Variants in CDC42EP3 observed in about 807,000 individuals in gnomAD.
The protein encoded by CDC42EP3 is CDC42 effector protein (Rho GTPase binding) 3.
A neutral mutation model predicts 15.5 loss-of-function variants in CDC42EP3; 4 were observed. That is an observed-to-expected ratio of 0.26 (90% CI 0.13 to 0.59). The LOEUF (loss-of-function observed/expected upper bound fraction) is 0.59. Among genes scored for constraint, CDC42EP3 ranks in the 20% least tolerant of loss-of-function variants. The probability of loss-of-function intolerance (pLI) is 0.89; values close to 1 mark genes in which losing one functional copy is unlikely to be tolerated. For synonymous variants in CDC42EP3, 145 were observed against 130.3 expected (o/e 1.11, Z -0.77); for missense variants, 309 against 311.2 (o/e 0.99, Z 0.05).
At chr2:37,656,991 CCCCCCG>C (rs1318885953) in intron 1 of CDC42EP3, among the ~76,000 whole-genome samples, 22 of 77,762 alleles carry the variant, frequency 2.8e-4, no homozygotes, top group African/African-American at 1.4e-3. Flanking sequence ...CCCCCCCCCA[CCCCCCG>C]CCCCCCGCCA....
chr2:37,656,362 C>T (rs1440354594), intron 1 of CDC42EP3, among the ~76,000 whole-genome samples: 1 of 152,216 alleles, frequency 6.6e-6, no homozygotes, highest in Admixed American at 6.5e-5. Flanking sequence ...AACACATGGC[C>T]CACAGTGAAC....
Position 37,667,204 on chromosome 2 carries a change from T to G in CDC42EP3, c.-236+4222A>C, listed in dbSNP as rs150649009. ...GCAGGGCCCAGGGGATATGCTGAAC[T>G]GTAACAGGGCTTGACTTCTGCCATG... On this transcript the variant is annotated intron_variant, in intron 1 of 1. Transcript: ENST00000295324. Among the ~76,000 whole-genome samples the G allele has an allele frequency of 5.3e-3, 812 of 152,338 alleles. 6 individuals carry two copies. The highest frequency in any genetic ancestry group is 0.015 in the African/African-American group (617 of 41,568).
chr2:37,666,798 A>G (rs1040486700), intron 1 of CDC42EP3, among the ~76,000 whole-genome samples: 1 of 143,480 alleles, frequency 7.0e-6, no homozygotes, highest in South Asian at 2.3e-4. Context: ...GCACTGAAGT[A>G]TATCAAGGAG....
chr2:37,672,779 T>C (rs548418043), upstream of CDC42EP3, among the ~76,000 whole-genome samples: 5 of 152,182 alleles, frequency 3.3e-5, no homozygotes, highest in African/African-American at 1.2e-4. Context: ...GCCCTGAGAC[T>C]CTCGGGTTGG....
At chr2:37,652,550 T>C (rs1665724594) in intron 1 of CDC42EP3, among the ~76,000 whole-genome samples, 1 of 152,094 alleles carries the variant, frequency 6.6e-6, no homozygotes, top group Admixed American at 6.6e-5. Context: ...CTCGTGTCTG[T>C]CCTTTCCTCA....
Position 37,643,169 on chromosome 2 carries a change from A to C in CDC42EP3, c.*2654T>G, listed in dbSNP as rs1445606736. ...TCTTGGGTTTCCTTATCTTTAAACA[A>C]GTAAAGATAAATTAGGTTAAAGTGG... On this transcript the variant is annotated 3_prime_UTR_variant, in exon 2 of 2. Transcript: ENST00000295324. The C allele has an allele frequency of 6.6e-6, 1 of 152,224 alleles. No individual in the cohort carries two copies. Among genetic ancestry groups the C allele is most frequent in the Non-Finnish European group, 1.5e-5 (1 of 68,044 alleles). 9.4% of individuals were successfully genotyped at this position (152,224 alleles called of 1,614,324 possible).
intron 1 of CDC42EP3, among the ~76,000 whole-genome samples, chr2:37,660,355 T>C (rs528225834): frequency 6.6e-5 from 10 of 152,334 alleles, no homozygotes; most frequent in African/African-American, 2.2e-4. Context: ...CAATGGGACA[T>C]AGGGCTGGGG....
chr2:37,657,175 G>A (rs953558426), intron 1 of CDC42EP3, among the ~76,000 whole-genome samples: 1 of 151,954 alleles, frequency 6.6e-6, no homozygotes, highest in Admixed American at 6.6e-5. Flanking sequence ...CTCCTAACCT[G>A]AAACTAAGAA....
At chr2:37,664,078 G>A (rs991168956) in intron 1 of CDC42EP3, among the ~76,000 whole-genome samples, 4 of 152,202 alleles carry the variant, frequency 2.6e-5, no homozygotes, top group East Asian at 3.8e-4. Context: ...GGAGGCTGAG[G>A]CAGGAGAATG....
chr2:37,652,189 A>AAAAAG (rs1199650106), intron 1 of CDC42EP3, among the ~76,000 whole-genome samples: 1 of 150,290 alleles, frequency 6.7e-6, no homozygotes, highest in African/African-American at 2.4e-5. Flanking sequence ...AAAAAAAAAA[A>AAAAAG]AAAAAAAAAA....
At chr2:37,657,324 C>CTT (rs1665900145) in intron 1 of CDC42EP3, among the ~76,000 whole-genome samples, 1 of 152,154 alleles carries the variant, frequency 6.6e-6, no homozygotes, top group Non-Finnish European at 1.5e-5. Flanking sequence ...TCCAACCTTG[C>CTT]TACTGCTTTG....
intron 1 of CDC42EP3, among the ~76,000 whole-genome samples, chr2:37,668,513 G>A (rs1363352299): frequency 6.6e-6 from 1 of 152,194 alleles, no homozygotes; most frequent in Non-Finnish European, 1.5e-5. Context: ...CCAGAACTAG[G>A]ACATGTGCCC....
At chr2:37,671,751 CG>C (rs1164835875), upstream of CDC42EP3, 1 of 150,344 alleles carries the variant, frequency 6.7e-6, no homozygotes, top group Non-Finnish European at 1.5e-5. Flanking sequence ...GCGCGGGCAG[CG>C]GGGCCGACCC....
intron 1 of CDC42EP3, among the ~76,000 whole-genome samples, chr2:37,661,128 T>TGTGTGC (rs60268329): frequency 0.01 from 1,516 of 148,012 alleles, 9 homozygotes; most frequent in Middle Eastern, 0.017. Context: ...TGTGTGTGTG[T>TGTGTGC]GCGTGTGTGT....
chr2:37,646,644 G>A lies in CDC42EP3; in HGVS notation c.-57C>T, dbSNP rs1247138258. On this transcript the variant is annotated 5_prime_UTR_variant, in exon 2 of 2. Transcript: ENST00000295324. Reference sequence around the variant, plus strand: ...GGGAGAAAGGGCCACTTTCTTCACAGATGGTATATGTTTCTGAATCCTTTT... The same window carrying A: ...GGGAGAAAGGGCCACTTTCTTCACAAATGGTATATGTTTCTGAATCCTTTT... 2 of 1,434,054 alleles carry A rather than the reference G, an allele frequency of 1.4e-6. No homozygotes were observed. Among genetic ancestry groups the A allele is most frequent in the East Asian group, 2.3e-5 (1 of 43,596 alleles). 88.8% of individuals were successfully genotyped at this position (1,434,054 alleles called of 1,614,324 possible). A position where few individuals can be genotyped will look rare whatever the true frequency, so the allele number is the denominator to read the frequency against.
At chr2:37,666,691 T>C (rs1666261261) in intron 1 of CDC42EP3, among the ~76,000 whole-genome samples, 1 of 152,242 alleles carries the variant, frequency 6.6e-6, no homozygotes, top group Admixed American at 6.5e-5. Context: ...CATCATGCTT[T>C]GTATTATAAA....
At chr2:37,659,004 G>T (rs1001513423) in intron 1 of CDC42EP3, among the ~76,000 whole-genome samples, 1 of 152,174 alleles carries the variant, frequency 6.6e-6, no homozygotes, top group African/African-American at 2.4e-5. Flanking sequence ...AATCTGGGGG[G>T]CCTGCCACAC....
At chr2:37,665,036 C>A (rs1268866274) in intron 1 of CDC42EP3, among the ~76,000 whole-genome samples, 1 of 152,022 alleles carries the variant, frequency 6.6e-6, no homozygotes, top group Non-Finnish European at 1.5e-5. Flanking sequence ...CGTAACAAAC[C>A]TGCACATGTA....
intron 1 of CDC42EP3, among the ~76,000 whole-genome samples, chr2:37,654,095 C>T (rs1386618844): frequency 1.3e-5 from 2 of 152,174 alleles, no homozygotes; most frequent in Non-Finnish European, 2.9e-5. Flanking sequence ...TTGGAACCAA[C>T]AGTCCTAGGG....
Sources: gnomAD v4.1 joint callset for allele counts (sites outside exome capture counted in the v4.1 genomes callset) on GRCh38, gnomAD v4.1.1 for gene constraint, MANE v1.5 for transcripts, NCBI Gene and HGNC (gene_info 2026-07-23, HGNC 2026-07-21) for gene names.